FOXN3: variants seen among roughly 807,000 people sequenced by gnomAD.
FOXN3 encodes the protein forkhead box protein N3.
Under a neutral mutation model 38.4 loss-of-function variants are expected in FOXN3, and 7 were observed. That is an observed-to-expected ratio of 0.18 (90% CI 0.10 to 0.34). The LOEUF is 0.34. FOXN3 is among the 10% of genes least tolerant of loss of function. FOXN3 has a pLI of 1.00. For missense variants in FOXN3, 456 were observed against 613.4 expected (o/e 0.74, Z 2.71); for synonymous variants, 230 against 242.2 (o/e 0.95, Z 0.47).
Position 89,396,938 on chromosome 14 carries a change from T to C in FOXN3, c.543+14996A>G, listed in dbSNP as rs1274864749. On this transcript the variant is annotated intron_variant, in intron 2 of 5. Transcript: ENST00000557258. ...ATCTGGTCCAAGTCAGTTAAAGCTA[T>C]GGAAAATCAGCGACTGCTGTGGCCT... 4.6e-5 allele frequency among the ~76,000 whole-genome samples: 7 copies of C among 151,790 alleles called. No individual in the cohort carries two copies. The South Asian group carries it at 1.2e-3, about 27-fold the overall frequency.
intron 5 of FOXN3, among the ~76,000 whole-genome samples, chr14:89,176,903 A>G (rs1406856902): frequency 3.3e-5 from 5 of 151,978 alleles, no homozygotes; most frequent in Non-Finnish European, 5.9e-5. Context: ...CTCTTCCCCT[A>G]ATTTCCCTTA....
intron 2 of FOXN3, among the ~76,000 whole-genome samples, chr14:89,380,446 C>G (rs147793519): frequency 6.6e-6 from 1 of 152,224 alleles, no homozygotes; most frequent in Non-Finnish European, 1.5e-5. Flanking sequence ...GGACTTTAGT[C>G]AAGCCTAAAC....
At chr14:89,386,175 T>C (rs963398905) in intron 2 of FOXN3, among the ~76,000 whole-genome samples, 7 of 152,196 alleles carry the variant, frequency 4.6e-5, no homozygotes, top group African/African-American at 1.7e-4. Context: ...TTTCTCCAGA[T>C]GTAGGAGGAG....
chr14:89,577,424 T>C (rs772092048), intron 1 of FOXN3: 2 of 152,074 alleles, frequency 1.3e-5, no homozygotes, highest in Non-Finnish European at 2.9e-5. Flanking sequence ...AAAAGACCAG[T>C]AGACGAATCA....
chr14:89,452,559 C>G (rs1390232825), intron 1 of FOXN3, among the ~76,000 whole-genome samples: 1 of 152,176 alleles, frequency 6.6e-6, no homozygotes, highest in Admixed American at 6.5e-5. Context: ...GGGGAAAGCC[C>G]GTTTTGATGG....
At chr14:89,371,485 C>G (rs531838618) in intron 2 of FOXN3, among the ~76,000 whole-genome samples, 1 of 151,942 alleles carries the variant, frequency 6.6e-6, no homozygotes, top group Non-Finnish European at 1.5e-5. Flanking sequence ...CTTGTGTGCC[C>G]GGCATTAAGC....
chr14:89,501,831 A>G (rs776157589), intron 1 of FOXN3, among the ~76,000 whole-genome samples: 1 of 150,826 alleles, frequency 6.6e-6, no homozygotes, highest in Non-Finnish European at 1.5e-5. Flanking sequence ...CCGGGCAACA[A>G]GAGTGAAACT....
intron 2 of FOXN3, among the ~76,000 whole-genome samples, chr14:89,394,065 G>C (rs1384868085): frequency 1.3e-5 from 2 of 152,024 alleles, no homozygotes; most frequent in African/African-American, 2.4e-5. Context: ...GTGGGAGAGA[G>C]AGAAAGGGGG....
At chr14:89,299,609 G>C (rs1339951014) in intron 3 of FOXN3, among the ~76,000 whole-genome samples, 1 of 152,192 alleles carries the variant, frequency 6.6e-6, no homozygotes, top group African/African-American at 2.4e-5. Context: ...GCTTGCCTCA[G>C]AGATGGAGAT....
At chr14:89,461,015 C>T (rs541001424) in intron 1 of FOXN3, among the ~76,000 whole-genome samples, 1 of 113,374 alleles carries the variant, frequency 8.8e-6, no homozygotes. Flanking sequence ...GCAACAAGAG[C>T]GAAACTCCAT....
chr14:89,305,211 G>A (rs189040408), intron 3 of FOXN3, among the ~76,000 whole-genome samples: 13 of 152,324 alleles, frequency 8.5e-5, no homozygotes, highest in South Asian at 8.3e-4. Context: ...TGAGGTCATC[G>A]ATGGTGAACT....
At chr14:89,441,972 G>A (rs1892396414) in intron 1 of FOXN3, among the ~76,000 whole-genome samples, 1 of 148,372 alleles carries the variant, frequency 6.7e-6, no homozygotes, top group Admixed American at 6.8e-5. Context: ...TGTTGCCCGG[G>A]CTGGAGTGCA....
At chr14:89,429,282 C>A (rs957524070) in intron 1 of FOXN3, among the ~76,000 whole-genome samples, 2 of 152,210 alleles carry the variant, frequency 1.3e-5, no homozygotes, top group East Asian at 1.9e-4. Context: ...CACTGATACT[C>A]AGAATTGAAA....
chr14:89,295,199 C>T (rs1886997762), intron 3 of FOXN3, among the ~76,000 whole-genome samples: 3 of 152,210 alleles, frequency 2.0e-5, no homozygotes, highest in Non-Finnish European at 4.4e-5. Flanking sequence ...GTTCTCTTCA[C>T]CTGTTACAGC....
intron 4 of FOXN3, among the ~76,000 whole-genome samples, chr14:89,231,377 T>C (rs569016532): frequency 6.6e-6 from 1 of 152,318 alleles, no homozygotes; most frequent in Non-Finnish European, 1.5e-5. Flanking sequence ...AGCTGGCCTG[T>C]TGGCCACACA....
chr14:89,568,703 T>C (rs1448796652), intron 1 of FOXN3, among the ~76,000 whole-genome samples: 1 of 152,228 alleles, frequency 6.6e-6, no homozygotes, highest in Non-Finnish European at 1.5e-5. Flanking sequence ...TCTGGTCTTC[T>C]TATTCCATAA....
In FOXN3 at chr14:89,350,783, C is replaced by T. The variant is rs1402837665; in HGVS notation, c.569G>A (p.Cys190Tyr). The T allele has an allele frequency of 5.7e-6, 9 of 1,582,468 alleles. No individual in the cohort carries two copies. The highest frequency in any genetic ancestry group is 2.7e-5 in the African/African-American group (2 of 72,918). The change falls in exon 3 of 6, where the codon TGC becomes TAC. Residue 190 changes from cysteine (C) to tyrosine (Y), a missense_variant. By Grantham distance (194) the Cys-to-Tyr change is radical. This residue lies in a region of FOXN3 where 386 missense variants were observed against 505.2 expected (regional missense o/e 0.76). Coordinates refer to ENST00000557258, the MANE Select transcript of FOXN3 (RefSeq NM_005197.4). ...ATTTTGTCTATACTCTGGGTCTATG[C>T]ACCACAACGACCCTTTCCCAATACT... ...SQSIGKGSLWCIDPEYRQNLI... is the reference protein window; with the variant it reads ...SQSIGKGSLWYIDPEYRQNLI...
chr14:89,272,971 A>G (rs1473472374), intron 4 of FOXN3, among the ~76,000 whole-genome samples: 1 of 152,252 alleles, frequency 6.6e-6, no homozygotes, highest in Non-Finnish European at 1.5e-5. Flanking sequence ...CTATTCTTCT[A>G]TGAGGGGGCT....
At chr14:89,363,978 AT>A (rs1170689927) in intron 2 of FOXN3, among the ~76,000 whole-genome samples, 10 of 86,992 alleles carry the variant, frequency 1.1e-4, no homozygotes, top group East Asian at 4.8e-4. Context: ...ATATATATAT[AT>A]ATATATATAA....
Sources: allele counts gnomAD v4.1 joint callset (sites outside exome capture counted in the v4.1 genomes callset), GRCh38; gene constraint gnomAD v4.1.1; regional missense constraint gnomAD v4.1.1; transcripts MANE v1.5; gene names NCBI Gene and HGNC (gene_info 2026-07-23, HGNC 2026-07-21).